The following PHLDB2 variants were observed in gnomAD, a reference collection of about 807,000 sequenced individuals.
The protein encoded by PHLDB2 is pleckstrin homology like domain family B member 2.
Under a neutral mutation model 123.6 loss-of-function variants are expected in PHLDB2, and 71 were observed. The observed-to-expected ratio is 0.57, with a 90% confidence interval of 0.47 to 0.70. The LOEUF (loss-of-function observed/expected upper bound fraction) is 0.70, where lower values mean the gene tolerates loss of function less well. PHLDB2 is among the 30% of genes least tolerant of loss of function. PHLDB2 has a pLI of 0.00. For synonymous variants in PHLDB2, 547 were observed against 541.6 expected (o/e 1.01, Z -0.14); for missense variants, 1,446 against 1,519.5 (o/e 0.95, Z 0.80).
intron 1 of PHLDB2, among the ~76,000 whole-genome samples, chr3:111,752,910 G>A (rs1284689350): frequency 6.6e-6 from 1 of 150,732 alleles, no homozygotes; most frequent in Non-Finnish European, 1.5e-5. Flanking sequence ...TTGGTTTTTT[G>A]TTCTTGTGAT....
chr3:111,936,806 T>A (rs956642303), intron 6 of PHLDB2, among the ~76,000 whole-genome samples: 1 of 152,198 alleles, frequency 6.6e-6, no homozygotes, highest in East Asian at 1.9e-4. Context: ...TCCTTTTTTT[T>A]AAATCTCAGT....
At chr3:111,759,041 G>A (rs1196950164) in intron 1 of PHLDB2, among the ~76,000 whole-genome samples, 1 of 152,010 alleles carries the variant, frequency 6.6e-6, no homozygotes, top group African/African-American at 2.4e-5. Context: ...AAGGAAGAAA[G>A]GAGAAAAATG....
chr3:111,750,508 G>A (rs560066169), intron 1 of PHLDB2, among the ~76,000 whole-genome samples: 196 of 152,308 alleles, frequency 1.3e-3, no homozygotes, highest in Admixed American at 3.7e-3. Context: ...GAGGTTAAAG[G>A]AGAAAGTTGA....
At chr3:111,778,615 CA>C (rs1049434594) in intron 1 of PHLDB2, among the ~76,000 whole-genome samples, 1 of 151,972 alleles carries the variant, frequency 6.6e-6, no homozygotes, top group African/African-American at 2.4e-5. Context: ...TGTACTTGAC[CA>C]TAGTTTTAGT....
At chr3:111,809,673 A>G (rs2061743724) in intron 1 of PHLDB2, among the ~76,000 whole-genome samples, 1 of 152,232 alleles carries the variant, frequency 6.6e-6, no homozygotes, top group African/African-American at 2.4e-5. Context: ...CCTATCATCA[A>G]GAAGCTCTGA....
intron 1 of PHLDB2, among the ~76,000 whole-genome samples, chr3:111,784,276 A>C (rs2108132319): frequency 6.6e-6 from 1 of 152,328 alleles, no homozygotes; most frequent in Non-Finnish European, 1.5e-5. Context: ...ACAAACAAGC[A>C]AACAGAAAAA....
rs577283083 is a variant in PHLDB2 at position 111,893,848 on chromosome 3, A to G, written c.1335+8436A>G. ...ATGCTACCCACTCCCTAAATTAGCA[A>G]TCTATTCTCTAAGTAAACAGCACTA... On this transcript the variant is annotated intron_variant, in intron 2 of 17. Transcript: ENST00000431670. 1.2e-4 allele frequency among the ~76,000 whole-genome samples: 18 copies of G among 149,810 alleles called. No individual in the cohort carries two copies. The South Asian group carries it at 1.3e-3, about 11-fold the overall frequency.
At chr3:111,791,194 A>C (rs1324394999) in intron 1 of PHLDB2, among the ~76,000 whole-genome samples, 1 of 152,214 alleles carries the variant, frequency 6.6e-6, no homozygotes, top group Non-Finnish European at 1.5e-5. Context: ...TTGTTATAAT[A>C]AATTTCTATA....
At chr3:111,874,192 G>C (rs1006033974) in intron 1 of PHLDB2, among the ~76,000 whole-genome samples, 1 of 152,064 alleles carries the variant, frequency 6.6e-6, no homozygotes, top group African/African-American at 2.4e-5. Context: ...CTTCCCTTCA[G>C]TGGGCTCCTT....
chr3:111,953,803 A>C, intron 11 of PHLDB2, 127 bp from the exon 12 acceptor site: 1 of 671,376 alleles, frequency 1.5e-6, no homozygotes, highest in Non-Finnish European at 2.4e-6. Flanking sequence ...CAACAAATGA[A>C]ATGCAAAGAC....
intron 1 of PHLDB2, among the ~76,000 whole-genome samples, chr3:111,828,715 G>A (rs2062787857): frequency 6.6e-6 from 1 of 152,138 alleles, no homozygotes; most frequent in Admixed American, 6.5e-5. Context: ...TGGAGGCAGA[G>A]GATGCAGTGA....
chr3:111,790,498 G>A (rs1485094090), intron 1 of PHLDB2, among the ~76,000 whole-genome samples: 1 of 152,174 alleles, frequency 6.6e-6, no homozygotes, highest in African/African-American at 2.4e-5. Flanking sequence ...GGCATTAGGA[G>A]TTGCTCAGTA....
At chr3:111,778,545 G>A (rs1208915158) in intron 1 of PHLDB2, 1 of 147,354 alleles carries the variant, frequency 6.8e-6, no homozygotes, top group African/African-American at 2.6e-5. Flanking sequence ...ATTAAGGATT[G>A]CAAAAATATG....
chr3:111,787,422 AT>A (rs1005759672), intron 1 of PHLDB2, among the ~76,000 whole-genome samples: 5 of 152,176 alleles, frequency 3.3e-5, no homozygotes, highest in East Asian at 1.9e-4. Flanking sequence ...ATCTTTGGAT[AT>A]TTTTTTGCAC....
rs751333062 is a variant in PHLDB2, at chr3:111,885,422, A to T, written c.1335+10A>T. 1 of 1,613,956 alleles carries T rather than the reference A, an allele frequency of 6.2e-7. No individual in the cohort carries two copies. The highest frequency in any genetic ancestry group is 8.5e-7 in the Non-Finnish European group (1 of 1,180,026). The stretch of plus-strand genomic sequence containing the variant: ...GGAAATGGAGCGATTGGTAATCTTC[A>T]TCTCAACAGTGATTGACCTCACTGT... On this transcript the variant is annotated intron_variant, in intron 2 of 17. Transcript: ENST00000431670.
chr3:111,913,564 G>A lies in PHLDB2; in HGVS notation c.1581G>A (p.Gln527=). 6.2e-7 allele frequency: 1 copy of A among 1,614,134 alleles called. No homozygotes were observed. The highest frequency in any genetic ancestry group is 8.5e-7 in the Non-Finnish European group (1 of 1,180,028). Residue 527 remains glutamine (Q), a synonymous_variant, in exon 3 of 18, where the codon CAG becomes CAA. Coordinates refer to ENST00000431670, the MANE Select transcript of PHLDB2 (RefSeq NM_001134438.2). ...TGGCAAGCTGTGGGAGTCTCAGTCA[G>A]AGCAGTGCCAGCTTCTTTACCCCCA... ...ADLASCGSLS[Q]SSASFFTPRS...
intron 1 of PHLDB2, among the ~76,000 whole-genome samples, chr3:111,799,129 G>A (rs890031339): frequency 9.9e-5 from 15 of 152,142 alleles, no homozygotes; most frequent in African/African-American, 2.4e-4. Flanking sequence ...ATAGCATGGG[G>A]GAAACCACCC....
chr3:111,764,956 G>C (rs2060055534), intron 1 of PHLDB2, among the ~76,000 whole-genome samples: 1 of 152,172 alleles, frequency 6.6e-6, no homozygotes, highest in Non-Finnish European at 1.5e-5. Context: ...ACCATGAAGA[G>C]GAATTGTAGA....
At chr3:111,740,300 C>G (rs2059581036) in intron 1 of PHLDB2, among the ~76,000 whole-genome samples, 1 of 152,104 alleles carries the variant, frequency 6.6e-6, no homozygotes, top group Non-Finnish European at 1.5e-5. Flanking sequence ...TCTTATGTCT[C>G]AGTTGCATTT....
Sources: gnomAD v4.1 joint callset for allele counts (sites outside exome capture counted in the v4.1 genomes callset) on GRCh38, gnomAD v4.1.1 for gene constraint, MANE v1.5 for transcripts, NCBI Gene and HGNC (gene_info 2026-07-23, HGNC 2026-07-21) for gene names.